The following KIF13B variants were observed in gnomAD, a reference collection of about 807,000 sequenced individuals.
The protein encoded by KIF13B is kinesin-like protein KIF13B.
In KIF13B, 127 loss-of-function variants were observed where a neutral mutation model predicts 222.0. The ratio of observed to expected loss-of-function variants is 0.57; its 90% CI spans 0.50 to 0.66. The LOEUF is 0.66. Among genes scored for constraint, KIF13B ranks in the 30% least tolerant of loss-of-function variants. The pLI is 0.00. For missense variants in KIF13B, 2,173 were observed against 2,379.0 expected, an observed-to-expected ratio of 0.91 and a Z score of 1.80; for synonymous variants, 976 against 919.0, an observed-to-expected ratio of 1.06 and a Z score of -1.12.
chr8:29,096,228 C>T (rs1367309914), intron 36 of KIF13B, among the ~76,000 whole-genome samples: 9 of 151,880 alleles, frequency 5.9e-5, no homozygotes, highest in Non-Finnish European at 1.3e-4. Flanking sequence ...GGTGATCCCC[C>T]CTGCCTTGGC....
intron 2 of KIF13B, among the ~76,000 whole-genome samples, chr8:29,231,577 T>G (rs557535457): frequency 6.6e-6 from 1 of 152,168 alleles, no homozygotes; most frequent in Non-Finnish European, 1.5e-5. Flanking sequence ...GCTTCCGTGC[T>G]CCTTACATGT....
chr8:29,200,621 AAC>A (rs1330330157), intron 2 of KIF13B, among the ~76,000 whole-genome samples: 5 of 152,220 alleles, frequency 3.3e-5, no homozygotes, highest in Admixed American at 6.5e-5. Flanking sequence ...ATTAACCATC[AAC>A]ACAGTTTATT....
chr8:29,241,244 C>A (rs1411851741), intron 2 of KIF13B, among the ~76,000 whole-genome samples: 1 of 152,180 alleles, frequency 6.6e-6, no homozygotes, highest in Non-Finnish European at 1.5e-5. Flanking sequence ...ACAGGCAAAT[C>A]TCACATCTAC....
intron 35 of KIF13B, among the ~76,000 whole-genome samples, chr8:29,107,635 C>T (rs1429499537): frequency 1.3e-5 from 2 of 150,750 alleles, no homozygotes; most frequent in Admixed American, 1.3e-4. Context: ...TTTTGGCTCA[C>T]TGCAGGCTCC....
intron 21 of KIF13B, among the ~76,000 whole-genome samples, chr8:29,137,937 T>G (rs1403930718): frequency 6.6e-6 from 1 of 152,182 alleles, no homozygotes; most frequent in African/African-American, 2.4e-5. Context: ...TAAATACAGG[T>G]AGTGAATGCA....
intron 11 of KIF13B, among the ~76,000 whole-genome samples, chr8:29,166,483 G>A (rs1314397238): frequency 6.6e-6 from 1 of 152,176 alleles, no homozygotes; most frequent in Non-Finnish European, 1.5e-5. Context: ...CGTATCACCT[G>A]AGGTCAGGAG....
At chr8:29,103,777 C>T (rs573178364) in intron 35 of KIF13B, among the ~76,000 whole-genome samples, 2 of 152,128 alleles carry the variant, frequency 1.3e-5, no homozygotes, top group Non-Finnish European at 2.9e-5. Context: ...TAGAACCGAA[C>T]CACTTTCCTC....
At chr8:29,107,349 G>C (rs1809121156) in intron 35 of KIF13B, among the ~76,000 whole-genome samples, 1 of 151,866 alleles carries the variant, frequency 6.6e-6, no homozygotes, top group African/African-American at 2.4e-5. Context: ...CCAACACGGT[G>C]AAACCCTGTC....
chr8:29,159,167 T>G (rs901761525), intron 13 of KIF13B, among the ~76,000 whole-genome samples: 1 of 152,220 alleles, frequency 6.6e-6, no homozygotes, highest in Non-Finnish European at 1.5e-5. Context: ...CATTTTTTTT[T>G]TGAAACAGAG....
At chr8:29,084,804 C>A (rs1221168644) in intron 37 of KIF13B, among the ~76,000 whole-genome samples, 5 of 152,214 alleles carry the variant, frequency 3.3e-5, no homozygotes, top group African/African-American at 1.2e-4. Context: ...TATGTGCTGT[C>A]TGAGAAACAC....
intron 2 of KIF13B, among the ~76,000 whole-genome samples, chr8:29,234,936 T>C (rs937511938): frequency 1.3e-5 from 2 of 152,168 alleles, no homozygotes; most frequent in African/African-American, 4.8e-5. Flanking sequence ...TCTGAATCTT[T>C]ATACAAAACC....
At chr8:29,166,446 C>A (rs1812001710) in intron 11 of KIF13B, among the ~76,000 whole-genome samples, 1 of 152,136 alleles carries the variant, frequency 6.6e-6, no homozygotes, top group Non-Finnish European at 1.5e-5. Flanking sequence ...CGCCTGTAAT[C>A]CCAGCACTTT....
intron 10 of KIF13B, among the ~76,000 whole-genome samples, chr8:29,172,335 G>A (rs1812282594): frequency 6.6e-6 from 1 of 151,598 alleles, no homozygotes; most frequent in Non-Finnish European, 1.5e-5. Flanking sequence ...GCCTGCCTCG[G>A]CCTCCCAGAG....
chr8:29,070,626 CG>C lies in KIF13B; in HGVS notation c.5358del (p.Glu1787ArgfsTer18). ...RRSTGLRLGA[P>X]EARRSATLSG... Reference sequence around the variant, plus strand: ...GAGAGGGTGGCGCTCCGGCGGGCCTCGGGGGCACCCAGCCGGAGTCCTGTGC... The same window carrying C: ...GAGAGGGTGGCGCTCCGGCGGGCCTCGGGGCACCCAGCCGGAGTCCTGTGC... On this transcript the variant is annotated frameshift_variant, in exon 40 of 40. Coordinates refer to ENST00000524189, the MANE Select transcript of KIF13B (RefSeq NM_015254.4). LOFTEE classifies it high-confidence loss of function. This position sits in a 1 kb window ranked among gnomAD's most constrained non-coding sequence, Gnocchi z 4.1. 4 of 1,575,026 alleles carry C rather than the reference CG, an allele frequency of 2.5e-6. No individual in the cohort carries two copies. Among genetic ancestry groups the C allele is most frequent in the South Asian group, 1.2e-5 (1 of 86,772 alleles).
intron 30 of KIF13B, among the ~76,000 whole-genome samples, chr8:29,117,866 A>T (rs1427188292): frequency 1.3e-5 from 2 of 152,168 alleles, no homozygotes; most frequent in Non-Finnish European, 2.9e-5. Context: ...TTTCCTTTTT[A>T]ATAAATCCTG....
Position 29,160,715 on chromosome 8 carries a change from C to T in KIF13B, c.1404+18G>A, listed in dbSNP as rs1375143843. The T allele has an allele frequency of 3.7e-6, 6 of 1,604,048 alleles. No individual in the cohort carries two copies. The South Asian group carries it at 6.7e-5, about 18-fold the overall frequency. On this transcript the variant is annotated intron_variant, in intron 13 of 39. Transcript: ENST00000524189. ...CTATTTTGTAACAAGAATCTAGTAGCAAAGCACATTACTTCACCTTTAAAT... is the reference window on the plus strand; with the variant it reads ...CTATTTTGTAACAAGAATCTAGTAGTAAAGCACATTACTTCACCTTTAAAT...
intron 35 of KIF13B, among the ~76,000 whole-genome samples, chr8:29,105,690 G>A (rs1375934439): frequency 9.5e-6 from 1 of 104,716 alleles, no homozygotes; most frequent in African/African-American, 3.8e-5. Context: ...ACAGAGTCTC[G>A]CTCTGTCGCC....
At chr8:29,122,138 C>T (rs1347972684) in intron 29 of KIF13B, among the ~76,000 whole-genome samples, 1 of 152,100 alleles carries the variant, frequency 6.6e-6, no homozygotes, top group African/African-American at 2.4e-5. Flanking sequence ...CCTGTAATCC[C>T]AGCTACTCAG....
intron 37 of KIF13B, among the ~76,000 whole-genome samples, chr8:29,083,636 T>C (rs1053008942): frequency 6.6e-6 from 1 of 152,204 alleles, no homozygotes; most frequent in African/African-American, 2.4e-5. Context: ...GACAGCAAAA[T>C]GCTGTGATTC....
Sources: gnomAD v4.1 joint callset for allele counts (sites outside exome capture counted in the v4.1 genomes callset) on GRCh38, gnomAD v4.1.1 for gene constraint, Gnocchi (gnomAD v3.1) non-coding constraint, MANE v1.5 for transcripts, NCBI Gene and HGNC (gene_info 2026-07-23, HGNC 2026-07-21) for gene names.